PIK3C2G: variants seen among roughly 807,000 people sequenced by gnomAD.
PIK3C2G encodes the protein phosphatidylinositol-4-phosphate 3-kinase catalytic subunit type 2 gamma.
In PIK3C2G, 168 loss-of-function variants were observed where a neutral mutation model predicts 181.1. The observed-to-expected ratio is 0.93, with a 90% confidence interval of 0.82 to 1.05. The LOEUF (loss-of-function observed/expected upper bound fraction) is 1.05. Among genes scored for constraint, PIK3C2G ranks in the 50% least tolerant of loss-of-function variants. PIK3C2G has a pLI of 0.00. For synonymous variants in PIK3C2G, 573 were observed against 592.2 expected (o/e 0.97, Z 0.47); for missense variants, 1,869 against 1,732.8 (o/e 1.08, Z -1.40).
Position 18,340,383 on chromosome 12 carries a change from C to T in PIK3C2G, c.1395+1835C>T, listed in dbSNP as rs1939018775. On this transcript the variant is annotated intron_variant, in intron 9 of 32. Coordinates refer to ENST00000538779, the MANE Select transcript of PIK3C2G (RefSeq NM_001288772.2). Reference sequence around the variant, plus strand: ...GTCATCCTCGGCCACATGTGGCCCACAGGCCGCAGGTTGGACAAGCTTGTA... The same window carrying T: ...GTCATCCTCGGCCACATGTGGCCCATAGGCCGCAGGTTGGACAAGCTTGTA... 2.6e-5 allele frequency among the ~76,000 whole-genome samples: 4 copies of T among 152,140 alleles called. No individual in the cohort carries two copies. The South Asian group carries it at 8.3e-4, about 31-fold the overall frequency.
At chr12:18,422,709 C>A (rs145924970) in intron 17 of PIK3C2G, among the ~76,000 whole-genome samples, 234 of 152,082 alleles carry the variant, frequency 1.5e-3, no homozygotes, top group African/African-American at 5.2e-3. Context: ...CGAGGGGTAA[C>A]ACATAGATAC....
intron 18 of PIK3C2G, among the ~76,000 whole-genome samples, chr12:18,438,294 G>A (rs1341681573): frequency 6.6e-6 from 1 of 151,730 alleles, no homozygotes; most frequent in African/African-American, 2.4e-5. Flanking sequence ...GTGATCAGAC[G>A]GTGACTTGGA....
At chr12:18,693,478 G>A in the PIK3C2G span, 1 of 1,608,188 alleles carries the variant, frequency 6.2e-7, no homozygotes, top group Non-Finnish European at 8.5e-7. Context: ...GTAAAACCTT[G>A]TTAGCCAAAG....
At chr12:18,566,544 T>G (rs763611377) in intron 28 of PIK3C2G, among the ~76,000 whole-genome samples, 1 of 152,134 alleles carries the variant, frequency 6.6e-6, no homozygotes, top group Non-Finnish European at 1.5e-5. Flanking sequence ...AATGCTTAAT[T>G]TAGTTAGTGT....
At chr12:18,291,065 A>G (rs1949673032) in intron 4 of PIK3C2G, 53 bp downstream of exon 4, 2 of 1,080,192 alleles carry the variant, frequency 1.9e-6, no homozygotes, top group Admixed American at 2.3e-5. Context: ...GGTATTGGCG[A>G]CGTAGCCTTG....
rs190078664 is a variant in PIK3C2G at position 18,291,403 on chromosome 12, A to G, written c.919+391A>G. On this transcript the variant is annotated intron_variant, in intron 4 of 32. Transcript: ENST00000538779. ...AAATATAAATAAATTGTGAGGTAGA[A>G]TAGGCATTGTTACACAGAATCTCTA... is the stretch of plus-strand genomic sequence containing the variant. 1.1e-3 allele frequency among the ~76,000 whole-genome samples: 170 copies of G among 152,302 alleles called. 3 individuals carry two copies. Among genetic ancestry groups the G allele is most frequent in the Admixed American group, 0.011 (163 of 15,292 alleles).
intron 26 of PIK3C2G, among the ~76,000 whole-genome samples, chr12:18,554,521 C>A (rs947812176): frequency 1.3e-5 from 2 of 151,954 alleles, no homozygotes; most frequent in Admixed American, 6.6e-5. Flanking sequence ...TCATCATGTG[C>A]TTTTTCCATG....
the PIK3C2G span, among the ~76,000 whole-genome samples, chr12:18,684,773 C>T: frequency 6.6e-6 from 1 of 151,774 alleles, no homozygotes; most frequent in Non-Finnish European, 1.5e-5. Context: ...GCTTTGTGCC[C>T]CCACCCAAAT....
At chr12:18,297,695 T>C (rs1374177711) in intron 5 of PIK3C2G, among the ~76,000 whole-genome samples, 4 of 151,996 alleles carry the variant, frequency 2.6e-5, no homozygotes, top group Non-Finnish European at 4.4e-5. Flanking sequence ...CCCCATCCCA[T>C]ACCCTTCCCA....
chr12:18,676,052 T>C, the PIK3C2G span, among the ~76,000 whole-genome samples: 1 of 152,014 alleles, frequency 6.6e-6, no homozygotes, highest in African/African-American at 2.4e-5. Context: ...AATTATACCA[T>C]CAACACGAGT....
At chr12:18,403,666 T>C (rs1054751551) in intron 16 of PIK3C2G, among the ~76,000 whole-genome samples, 1 of 152,142 alleles carries the variant, frequency 6.6e-6, no homozygotes, top group Non-Finnish European at 1.5e-5. Flanking sequence ...CACCATCTCC[T>C]TTTACTTTAA....
chr12:18,564,288 T>C (rs1284260443), intron 28 of PIK3C2G, among the ~76,000 whole-genome samples: 2 of 151,950 alleles, frequency 1.3e-5, no homozygotes, highest in Admixed American at 6.6e-5. Context: ...TGTATCTTGA[T>C]TTTAAAAATG....
At chr12:18,574,666 A>G (rs1448598156) in intron 29 of PIK3C2G, among the ~76,000 whole-genome samples, 1 of 152,222 alleles carries the variant, frequency 6.6e-6, no homozygotes, top group Non-Finnish European at 1.5e-5. Context: ...AGACATATAT[A>G]TAATATCATG....
the PIK3C2G span, among the ~76,000 whole-genome samples, chr12:18,705,986 G>A: frequency 6.6e-6 from 1 of 152,012 alleles, no homozygotes; most frequent in Non-Finnish European, 1.5e-5. Flanking sequence ...CAGCACTTTG[G>A]GAGGCCGAGG....
chr12:18,503,406 G>C lies in PIK3C2G; in HGVS notation c.3142G>C (p.Asp1048His). 1 of 1,603,220 alleles carries C rather than the reference G, an allele frequency of 6.2e-7. No individual in the cohort carries two copies. The highest frequency in any genetic ancestry group is 1.1e-5 in the South Asian group (1 of 89,138). The change falls in exon 23 of 33, where the codon GAT becomes CAT. Residue 1048 changes from aspartate (D) to histidine (H), a missense_variant. Asp to His is a moderately conservative substitution (Grantham distance 81). Coordinates refer to ENST00000538779, the MANE Select transcript of PIK3C2G (RefSeq NM_001288772.2). ...CAGTCAGCACAACCACTTAAAGGCA[G>C]ATTATGAAAAGGTTTGTCCTGTTGC... ...WFSQHNHLKADYEKALRNFFY... is the reference protein window; with the variant it reads ...WFSQHNHLKAHYEKALRNFFY...
chr12:18,590,478 G>C (rs573235310), intron 29 of PIK3C2G, among the ~76,000 whole-genome samples: 2 of 151,910 alleles, frequency 1.3e-5, no homozygotes, highest in East Asian at 3.9e-4. Context: ...TGCATACATC[G>C]TAGACTATGT....
chr12:18,378,751 A>T (rs2137940418), intron 13 of PIK3C2G, among the ~76,000 whole-genome samples: 1 of 152,350 alleles, frequency 6.6e-6, no homozygotes, highest in Non-Finnish European at 1.5e-5. Context: ...CAGCCAAAAC[A>T]CACATGAAAA....
At chr12:18,695,067 A>T in the PIK3C2G span, 1 of 1,612,940 alleles carries the variant, frequency 6.2e-7, no homozygotes, top group African/African-American at 1.3e-5. Context: ...AGGGGTCTGG[A>T]AATTTAAAGC....
intron 29 of PIK3C2G, among the ~76,000 whole-genome samples, chr12:18,587,893 TA>T (rs34143887): frequency 2.6e-4 from 38 of 144,360 alleles, no homozygotes; most frequent in Admixed American, 3.5e-4. Flanking sequence ...TGGTACTGAT[TA>T]AAAAAAAAAA....
Sources: gnomAD v4.1 joint callset for allele counts (sites outside exome capture counted in the v4.1 genomes callset) on GRCh38, gnomAD v4.1.1 for gene constraint, MANE v1.5 for transcripts, NCBI Gene and HGNC (gene_info 2026-07-23, HGNC 2026-07-21) for gene names.